The following WASHC3 variants were observed in gnomAD, a reference collection of about 807,000 sequenced individuals.
WASHC3 encodes the protein WASH complex subunit 3.
WASHC3 carries 24 observed loss-of-function variants against 26.1 expected under a neutral mutation model. That is an observed-to-expected ratio of 0.92 (90% CI 0.66 to 1.29). The LOEUF is 1.29. Ranked by LOEUF, WASHC3 falls within the 50% of genes most tolerant of loss-of-function variation. The pLI is 0.00. For synonymous variants in WASHC3, 77 were observed against 75.7 expected, an observed-to-expected ratio of 1.02 and a Z score of -0.09; for missense variants, 214 against 229.6, an observed-to-expected ratio of 0.93 and a Z score of 0.44.
At chr12:102,059,304 A>G (rs998882126) in intron 2 of WASHC3, among the ~76,000 whole-genome samples, 1 of 152,220 alleles carries the variant, frequency 6.6e-6, no homozygotes, top group African/African-American at 2.4e-5. Flanking sequence ...TGTACATCAT[A>G]AAAATACAAT....
At chr12:102,036,627 T>C (rs899095652) in intron 5 of WASHC3, among the ~76,000 whole-genome samples, 3 of 151,966 alleles carry the variant, frequency 2.0e-5, no homozygotes, top group African/African-American at 7.3e-5. Context: ...TACATAAAAA[T>C]TAAGAGCAGA....
intron 5 of WASHC3, among the ~76,000 whole-genome samples, chr12:102,032,015 C>T (rs557377640): frequency 6.6e-6 from 1 of 152,166 alleles, no homozygotes; most frequent in African/African-American, 2.4e-5. Context: ...ATTACTCTTA[C>T]AATAACTGTA....
At chr12:102,046,018 C>G in intron 3 of WASHC3, 36 bp downstream of exon 3, 1 of 1,279,036 alleles carries the variant, frequency 7.8e-7, no homozygotes, top group African/African-American at 1.5e-5. Flanking sequence ...ATATGCACAG[C>G]AAAGTTTATA....
At chr12:102,046,272 T>A (rs1878160008) in intron 2 of WASHC3, among the ~76,000 whole-genome samples, 153 bp from the exon 3 acceptor site, 1 of 152,096 alleles carries the variant, frequency 6.6e-6, no homozygotes, top group Admixed American at 6.6e-5. Context: ...TGAGAACTCT[T>A]CTATTACGTG....
intron 4 of WASHC3, among the ~76,000 whole-genome samples, chr12:102,041,895 G>T (rs948278704): frequency 7.2e-5 from 11 of 151,892 alleles, no homozygotes; most frequent in Non-Finnish European, 2.9e-5. Context: ...TTCTGAATTT[G>T]CAAAGCAAAT....
chr12:102,038,022 C>T (rs974624994), intron 5 of WASHC3, among the ~76,000 whole-genome samples: 4 of 151,894 alleles, frequency 2.6e-5, no homozygotes, highest in African/African-American at 9.7e-5. Context: ...CTCAAACTCC[C>T]GACCTCAAGT....
At chr12:102,036,552 C>T (rs568645291) in intron 5 of WASHC3, among the ~76,000 whole-genome samples, 20 of 152,106 alleles carry the variant, frequency 1.3e-4, no homozygotes, top group African/African-American at 4.8e-4. Flanking sequence ...GAAAATCACC[C>T]CTAAACAATT....
At position 102,047,588 on chromosome 12, in the gene WASHC3, A is replaced by G. The variant is rs535888689; in HGVS notation, c.151-1469T>C. On this transcript the variant is annotated intron_variant, in intron 2 of 6. Transcript: ENST00000240079. Reference sequence around the variant, plus strand: ...TCCAAATTATAAGTGTATTCCTTAAAATCATAGAAATTTAATTTTGGCAAA... The same window carrying G: ...TCCAAATTATAAGTGTATTCCTTAAGATCATAGAAATTTAATTTTGGCAAA... 4.3e-4 allele frequency among the ~76,000 whole-genome samples: 65 copies of G among 152,318 alleles called. 1 individual carries two copies. Among genetic ancestry groups the G allele is most frequent in the Non-Finnish European group, 1.6e-4 (11 of 68,024 alleles).
chr12:102,048,004 T>A (rs991800692), intron 2 of WASHC3, among the ~76,000 whole-genome samples: 14 of 152,140 alleles, frequency 9.2e-5, no homozygotes, highest in Non-Finnish European at 1.6e-4. Flanking sequence ...TTCACGAGAT[T>A]TTTTTGAGAT....
At chr12:102,021,274 A>G (rs1208497321) in intron 6 of WASHC3, among the ~76,000 whole-genome samples, 1 of 152,202 alleles carries the variant, frequency 6.6e-6, no homozygotes, top group African/African-American at 2.4e-5. Context: ...AGACAGGTAT[A>G]TTCTGTTCTT....
Position 102,061,969 on chromosome 12 carries a change from A to G in WASHC3, c.-7T>C, listed in dbSNP as rs536060529. The G allele has an allele frequency of 1.7e-4, 265 of 1,593,518 alleles. 2 individuals are homozygous for G. In the South Asian group the frequency reaches 2.8e-3, roughly 17 times the overall value. ...GAAGCCCGTCCTCATCCATCTCCTC[A>G]GCGGGCGGTGGACCCCGAGTTCACC... On this transcript the variant is annotated 5_prime_UTR_variant, in exon 1 of 7. Transcript: ENST00000240079.
chr12:102,026,996 C>T (rs1877222246), intron 5 of WASHC3, among the ~76,000 whole-genome samples: 1 of 152,212 alleles, frequency 6.6e-6, no homozygotes, highest in Admixed American at 6.5e-5. Context: ...TGCTGTTGCA[C>T]ACACTTCTTT....
intron 5 of WASHC3, among the ~76,000 whole-genome samples, chr12:102,036,320 C>T (rs1403132539): frequency 6.6e-6 from 1 of 151,006 alleles, no homozygotes; most frequent in Non-Finnish European, 1.5e-5. Context: ...CGTGACTGTG[C>T]CCCTTTGCTC....
chr12:102,030,389 G>A (rs907742626), intron 5 of WASHC3, among the ~76,000 whole-genome samples: 8 of 151,442 alleles, frequency 5.3e-5, no homozygotes, highest in Admixed American at 3.3e-4. Context: ...TATATATAAT[G>A]GGTTATTGTT....
In WASHC3 at chr12:102,021,083, A is replaced by AAAAAAC. The variant is rs372185028; in HGVS notation, c.500+4885_500+4890dup. On this transcript the variant is annotated intron_variant, in intron 6 of 6. Transcript: ENST00000240079. ...GGCGACAAGAGCAAAATTCCATCTC[A>AAAAAAC]AAAAACAAAAACAAAAACAAAAACA... Among the ~76,000 whole-genome samples, 8 of 152,282 alleles carry AAAAAAC rather than the reference A, an allele frequency of 5.3e-5. No homozygotes were observed. In the East Asian group the frequency reaches 5.8e-4, roughly 11 times the overall value.
At chr12:102,016,179 A>G (rs185461657) in intron 6 of WASHC3, among the ~76,000 whole-genome samples, 1 of 147,780 alleles carries the variant, frequency 6.8e-6, no homozygotes, top group Non-Finnish European at 1.5e-5. Flanking sequence ...CGTGAGCCAC[A>G]GCGTCCAGCC....
chr12:102,026,125 G>T, intron 5 of WASHC3, 87 bp from the exon 6 acceptor site: 1 of 689,064 alleles, frequency 1.5e-6, no homozygotes, highest in Non-Finnish European at 2.4e-6. Flanking sequence ...ACCTTCAGAT[G>T]CCTCATTATT....
At chr12:102,046,208 A>ATGGTT in intron 2 of WASHC3, 89 bp from the exon 3 acceptor site, 1 of 741,690 alleles carries the variant, frequency 1.3e-6, no homozygotes, top group Non-Finnish European at 2.3e-6. Context: ...ATTAAAAACC[A>ATGGTT]TTAAATATTT....
intron 6 of WASHC3, among the ~76,000 whole-genome samples, chr12:102,016,894 G>C (rs1278420442): frequency 6.6e-6 from 1 of 152,150 alleles, no homozygotes; most frequent in African/African-American, 2.4e-5. Context: ...GTTATAGTAA[G>C]CTAAGGTTAA....
Sources: gnomAD v4.1 joint callset for allele counts (sites outside exome capture counted in the v4.1 genomes callset) on GRCh38, gnomAD v4.1.1 for gene constraint, MANE v1.5 for transcripts, NCBI Gene and HGNC (gene_info 2026-07-23, HGNC 2026-07-21) for gene names.